KCNK10: variants seen among roughly 807,000 people sequenced by gnomAD.
The protein encoded by KCNK10 is potassium two pore domain channel subfamily K member 10, also known as potassium channel subfamily K member 10.
In KCNK10, 25 loss-of-function variants were observed where a neutral mutation model predicts 47.7. The ratio of observed to expected loss-of-function variants is 0.52; its 90% CI spans 0.38 to 0.73. The LOEUF (loss-of-function observed/expected upper bound fraction) is 0.73. Among genes scored for constraint, KCNK10 ranks in the 30% least tolerant of loss-of-function variants. The pLI is 0.00. For missense variants in KCNK10, 563 were observed against 714.5 expected, an observed-to-expected ratio of 0.79 and a Z score of 2.42; for synonymous variants, 303 against 285.6, an observed-to-expected ratio of 1.06 and a Z score of -0.61.
At position 88,278,794 on chromosome 14, in the gene KCNK10, C is replaced by T. The variant is rs146246571; in HGVS notation, c.53-15243G>A. Reference sequence around the variant, plus strand: ...AGTCTTGTGGTTATGTTTCCTCCACCTCACAGAAAGGAGGAGAAACAAAGG... The same window carrying T: ...AGTCTTGTGGTTATGTTTCCTCCACTTCACAGAAAGGAGGAGAAACAAAGG... On this transcript the variant is annotated intron_variant, in intron 1 of 6. Transcript: ENST00000319231. Among the ~76,000 whole-genome samples the T allele has an allele frequency of 5.8e-3, 884 of 152,276 alleles. 9 individuals are homozygous for T. The highest frequency in any genetic ancestry group is 0.02 in the African/African-American group (843 of 41,554).
chr14:88,207,827 T>A (rs191092795), intron 4 of KCNK10, among the ~76,000 whole-genome samples: 134 of 152,096 alleles, frequency 8.8e-4, no homozygotes, highest in Middle Eastern at 3.4e-3. Flanking sequence ...TGAATGTTAT[T>A]CTTGGGGTCT....
At chr14:88,202,043 T>G (rs1178551292) in intron 4 of KCNK10, among the ~76,000 whole-genome samples, 1 of 152,212 alleles carries the variant, frequency 6.6e-6, no homozygotes, top group Non-Finnish European at 1.5e-5. Context: ...AAGTGTTTAG[T>G]AGAGATATGC....
At chr14:88,235,638 A>G (rs1379706882) in intron 3 of KCNK10, among the ~76,000 whole-genome samples, 1 of 152,146 alleles carries the variant, frequency 6.6e-6, no homozygotes, top group Non-Finnish European at 1.5e-5. Flanking sequence ...ATTGTGGAAA[A>G]CATACAAACT....
upstream of KCNK10, among the ~76,000 whole-genome samples, chr14:88,325,310 T>G (rs1165463628): frequency 2.6e-5 from 4 of 152,040 alleles, no homozygotes; most frequent in Non-Finnish European, 1.5e-5. Flanking sequence ...TGCATCAGAG[T>G]CAGAGAGGGG....
At chr14:88,289,188 TG>T (rs1409138230) in intron 1 of KCNK10, among the ~76,000 whole-genome samples, 1 of 152,200 alleles carries the variant, frequency 6.6e-6, no homozygotes, top group Non-Finnish European at 1.5e-5. Flanking sequence ...AAGAGTAACA[TG>T]GCCTTTAGGA....
chr14:88,222,128 G>A (rs1416592307), intron 4 of KCNK10, among the ~76,000 whole-genome samples: 1 of 152,176 alleles, frequency 6.6e-6, no homozygotes, highest in East Asian at 1.9e-4. Flanking sequence ...CATGGTGGCA[G>A]CAAGAGAAAA....
At chr14:88,288,218 T>C (rs1293989768) in intron 1 of KCNK10, among the ~76,000 whole-genome samples, 1 of 152,214 alleles carries the variant, frequency 6.6e-6, no homozygotes, top group Non-Finnish European at 1.5e-5. Flanking sequence ...CCACTCATTG[T>C]TCACTATTTA....
chr14:88,220,235 G>A (rs1885755700), intron 4 of KCNK10, among the ~76,000 whole-genome samples: 1 of 151,112 alleles, frequency 6.6e-6, no homozygotes, highest in East Asian at 1.9e-4. Context: ...GGCTAAAACG[G>A]TGAAACCCCG....
At chr14:88,189,017 C>T (rs1884661110) in intron 5 of KCNK10, among the ~76,000 whole-genome samples, 1 of 152,148 alleles carries the variant, frequency 6.6e-6, no homozygotes, top group Non-Finnish European at 1.5e-5. Context: ...AACGCTATTG[C>T]CTAAGGAAGC....
At chr14:88,263,153 T>C in intron 2 of KCNK10, 49 bp downstream of exon 2, 4 of 1,459,306 alleles carry the variant, frequency 2.7e-6, no homozygotes, top group Non-Finnish European at 3.8e-6. Context: ...AAACCAACAC[T>C]GCCATCCACC....
chr14:88,271,926 CAAA>C (rs547395690), intron 1 of KCNK10, among the ~76,000 whole-genome samples: 5 of 112,592 alleles, frequency 4.4e-5, no homozygotes, highest in African/African-American at 3.4e-5. Flanking sequence ...AAAGGTATGG[CAAA>C]AAAAAAAAAA....
At chr14:88,291,976 A>C (rs1290467743) in intron 1 of KCNK10, among the ~76,000 whole-genome samples, 1 of 152,206 alleles carries the variant, frequency 6.6e-6, no homozygotes, top group Non-Finnish European at 1.5e-5. Context: ...GCAGAAGCTG[A>C]GAGGCCGGGG....
At position 88,322,851 on chromosome 14, in the gene KCNK10, G is replaced by A; in HGVS notation, c.-53C>T. ...TGAAAAGAACCCAAATAATAATAAAGTCCTCAAGCTTTACACGCCTCGGTT... is the reference window on the plus strand; with the variant it reads ...TGAAAAGAACCCAAATAATAATAAAATCCTCAAGCTTTACACGCCTCGGTT... On this transcript the variant is annotated 5_prime_UTR_variant, in exon 1 of 7. Transcript: ENST00000319231. This position sits in a 1 kb window ranked among gnomAD's most constrained non-coding sequence, Gnocchi z 4.8. 1 of 1,613,622 alleles carries A rather than the reference G, an allele frequency of 6.2e-7. No homozygotes were observed. Among genetic ancestry groups the A allele is most frequent in the African/African-American group, 1.3e-5 (1 of 75,028 alleles).
At chr14:88,286,553 T>C (rs1887764361) in intron 1 of KCNK10, among the ~76,000 whole-genome samples, 1 of 152,204 alleles carries the variant, frequency 6.6e-6, no homozygotes, top group Non-Finnish European at 1.5e-5. Flanking sequence ...TTAGTCTGTT[T>C]TGACACTGCT....
intron 1 of KCNK10, among the ~76,000 whole-genome samples, chr14:88,287,802 G>C (rs1294589024): frequency 2.0e-5 from 3 of 151,542 alleles, no homozygotes; most frequent in Non-Finnish European, 4.4e-5. Flanking sequence ...GAATTGTGTT[G>C]CTAGAAACAT....
At chr14:88,200,701 T>C (rs1885074232) in intron 4 of KCNK10, among the ~76,000 whole-genome samples, 3 of 152,152 alleles carry the variant, frequency 2.0e-5, no homozygotes, top group Non-Finnish European at 4.4e-5. Flanking sequence ...CTCTATAACT[T>C]TTCTATTCCT....
chr14:88,298,240 G>A (rs1888026792), intron 1 of KCNK10, among the ~76,000 whole-genome samples: 1 of 152,022 alleles, frequency 6.6e-6, no homozygotes, highest in Non-Finnish European at 1.5e-5. Flanking sequence ...AATTAATATC[G>A]TCCACGTTCA....
intron 1 of KCNK10, among the ~76,000 whole-genome samples, chr14:88,271,456 A>G (rs1887403350): frequency 1.3e-5 from 2 of 152,210 alleles, no homozygotes; most frequent in Non-Finnish European, 2.9e-5. Context: ...CAAACAGTCC[A>G]AAGAGAGTTC....
Position 88,183,468 on chromosome 14 carries a change from A to G in KCNK10, c.*2067T>C, listed in dbSNP as rs928966762. Reference sequence around the variant, plus strand: ...AAGCTTCGACTTGTTAGAATAACAGAGGAAGTCCCAGTTATCTACCTATTC... The same window carrying G: ...AAGCTTCGACTTGTTAGAATAACAGGGGAAGTCCCAGTTATCTACCTATTC... On this transcript the variant is annotated 3_prime_UTR_variant, in exon 7 of 7. Coordinates refer to ENST00000319231, the MANE Select transcript of KCNK10 (RefSeq NM_138317.3). 2.0e-5 allele frequency: 3 copies of G among 152,412 alleles called. No homozygotes were observed. Among genetic ancestry groups the G allele is most frequent in the African/African-American group, 7.2e-5 (3 of 41,482 alleles). 9.4% of individuals were successfully genotyped at this position (152,412 alleles called of 1,614,324 possible).
Sources: allele counts gnomAD v4.1 joint callset (sites outside exome capture counted in the v4.1 genomes callset), GRCh38; gene constraint gnomAD v4.1.1; non-coding constraint Gnocchi (gnomAD v3.1); transcripts MANE v1.5; gene names NCBI Gene and HGNC (gene_info 2026-07-23, HGNC 2026-07-21).